TRIM37: variants seen among roughly 807,000 people sequenced by gnomAD.
The protein encoded by TRIM37 is tripartite motif containing 37.
Under a neutral mutation model 129.8 loss-of-function variants are expected in TRIM37, and 80 were observed. That is an observed-to-expected ratio of 0.62 (90% CI 0.51 to 0.74). The LOEUF (loss-of-function observed/expected upper bound fraction) is 0.74. Ranked by LOEUF, TRIM37 falls within the 30% of genes least tolerant of loss-of-function variation. TRIM37 has a pLI of 0.00. For missense variants in TRIM37, 1,054 were observed against 1,176.5 expected (o/e 0.90, Z 1.52); for synonymous variants, 389 against 387.1 (o/e 1.00, Z -0.06).
chr17:59,088,930 T>C (rs761734154), intron 3 of TRIM37, among the ~76,000 whole-genome samples: 28 of 152,144 alleles, frequency 1.8e-4, no homozygotes, highest in Non-Finnish European at 3.7e-4. Flanking sequence ...AACAAAAACA[T>C]ATGATTCAGA....
chr17:59,085,746 A>G (rs999732192), intron 4 of TRIM37, among the ~76,000 whole-genome samples: 1 of 152,224 alleles, frequency 6.6e-6, no homozygotes, highest in Non-Finnish European at 1.5e-5. Flanking sequence ...GAACATCCAT[A>G]GTCATAGCAG....
At chr17:59,082,041 G>T (rs992892362) in intron 5 of TRIM37, among the ~76,000 whole-genome samples, 19 of 150,848 alleles carry the variant, frequency 1.3e-4, no homozygotes, top group Admixed American at 1.3e-3. Flanking sequence ...AGGCTGAGGC[G>T]GGTGGATCAC....
At chr17:58,972,287 CTGTTT>C in the TRIM37 span, 1 of 1,611,780 alleles carries the variant, frequency 6.2e-7, no homozygotes, top group Non-Finnish European at 8.5e-7. Flanking sequence ...TAAGTATGGT[CTGTTT>C]TAATAGAGCC....
At chr17:59,008,316 C>T (rs2034805297) in intron 22 of TRIM37, among the ~76,000 whole-genome samples, 1 of 152,198 alleles carries the variant, frequency 6.6e-6, no homozygotes, top group Non-Finnish European at 1.5e-5. Flanking sequence ...CTATTTATAG[C>T]ACAACACCCC....
intron 24 of TRIM37, among the ~76,000 whole-genome samples, chr17:58,989,659 T>C (rs1290051696): frequency 1.3e-5 from 2 of 151,790 alleles, no homozygotes; most frequent in African/African-American, 4.8e-5. Flanking sequence ...GAAGATAAGT[T>C]AAAAAAATTA....
chr17:59,003,018 G>C (rs1227586310), intron 22 of TRIM37, among the ~76,000 whole-genome samples: 1 of 152,086 alleles, frequency 6.6e-6, no homozygotes, highest in East Asian at 1.9e-4. Context: ...CTCCCAACAG[G>C]CCTGTGCCAT....
intron 16 of TRIM37, among the ~76,000 whole-genome samples, chr17:59,044,562 C>CA (rs1037999940): frequency 1.7e-4 from 25 of 149,860 alleles, no homozygotes; most frequent in African/African-American, 3.7e-4. Flanking sequence ...AACTCCGTCT[C>CA]AAAAAAAAAT....
Position 59,041,883 on chromosome 17 carries a change from A to G in TRIM37, c.1683T>C (p.Asp561=), listed in dbSNP as rs1292534768. ...CTAATTCCATGTTGTTATATTCCAC[A>G]TCATTTTCTCCAGACCTAAGAATAT... ...IDEETMSGEN[D]VEYNNMELEE... is the part of the protein sequence containing the mutation. Residue 561 remains aspartate, a synonymous_variant, in exon 17 of 24, where the codon GAT becomes GAC. Transcript: ENST00000262294. 2 of 1,613,210 alleles carry G rather than the reference A, an allele frequency of 1.2e-6. No homozygotes were observed. The highest frequency in any genetic ancestry group is 1.7e-6 in the Non-Finnish European group (2 of 1,179,410).
intron 24 of TRIM37, among the ~76,000 whole-genome samples, chr17:58,989,086 T>C (rs1055350712): frequency 6.6e-6 from 1 of 152,186 alleles, no homozygotes; most frequent in African/African-American, 2.4e-5. Flanking sequence ...TAGAGTCATA[T>C]GAAAAGCCAA....
chr17:59,030,112 T>C (rs2037677441), intron 18 of TRIM37, among the ~76,000 whole-genome samples: 1 of 152,140 alleles, frequency 6.6e-6, no homozygotes, highest in South Asian at 2.1e-4. Flanking sequence ...TGTATTCCAG[T>C]TCATTTTTTT....
At chr17:59,012,184 A>G in intron 22 of TRIM37, 144 bp downstream of exon 22, 1 of 693,024 alleles carries the variant, frequency 1.4e-6, no homozygotes, top group South Asian at 1.5e-5. Flanking sequence ...ATTTCCATTA[A>G]ACCAACCACT....
chr17:58,983,030 G>A, intron 24 of TRIM37: 8 of 1,035,590 alleles, frequency 7.7e-6, no homozygotes, highest in Non-Finnish European at 9.9e-6. Flanking sequence ...GTTGTCTATT[G>A]GTAATGTTTT....
chr17:59,064,924 G>A (rs560197466), intron 9 of TRIM37, among the ~76,000 whole-genome samples: 7 of 148,270 alleles, frequency 4.7e-5, no homozygotes, highest in Non-Finnish European at 7.5e-5. Flanking sequence ...GGTGGTGTGC[G>A]CCTGCAATCC....
rs1409155801 is a variant in TRIM37 at position 59,012,426 on chromosome 17, T to C, written c.2597A>G (p.His866Arg). 1 of 1,610,142 alleles carries C rather than the reference T, an allele frequency of 6.2e-7. No individual in the cohort carries two copies. Among genetic ancestry groups the C allele is most frequent in the Non-Finnish European group, 8.5e-7 (1 of 1,179,252 alleles). Residue 866 changes from histidine to arginine, a missense_variant, in exon 22 of 24, where the codon CAT becomes CGT. This residue lies in a region of TRIM37 where 287 missense variants were observed against 274.3 expected (regional missense o/e 1.05). Coordinates refer to ENST00000262294, the MANE Select transcript of TRIM37 (RefSeq NM_015294.6). Reference sequence around the variant, plus strand: ...ATCAGTCATCTGCAGTCCTTCCAGATGACCTCCTTTAGCATTAGCCCTCAA... The same window carrying C: ...ATCAGTCATCTGCAGTCCTTCCAGACGACCTCCTTTAGCATTAGCCCTCAA... ...VTLGANAKGG[H>R]LEGLQMTDLE...
rs200084724 is a variant in TRIM37, at chr17:59,028,634, T to A, written c.2038A>T (p.Thr680Ser). 1 of 1,614,184 alleles carries A rather than the reference T, an allele frequency of 6.2e-7. No individual in the cohort carries two copies. Among genetic ancestry groups the A allele is most frequent in the Non-Finnish European group, 8.5e-7 (1 of 1,180,032 alleles). The change falls in exon 19 of 24, where the codon ACT (threonine) becomes TCT (serine). Residue 680 changes from threonine to serine, a missense_variant. By Grantham distance (58) the Thr-to-Ser change is moderately conservative. Around this residue, in one of 3 missense-constraint regions of TRIM37, gnomAD observed 752 missense variants for 870.8 expected, o/e 0.86. Coordinates refer to ENST00000262294, the MANE Select transcript of TRIM37 (RefSeq NM_015294.6). The stretch of plus-strand genomic sequence containing the variant: ...ATACATCGAACTTCGGCCATTTGAG[T>A]TTTGAGTCTTTTTAGCATCTTTAAA... ...SDLKMLKRLK[T>S]QMAEVRCMKT...
intron 20 of TRIM37, 133 bp from the exon 21 acceptor site, chr17:59,015,932 T>C (rs777785230): frequency 1.2e-4 from 94 of 758,520 alleles, no homozygotes; most frequent in Non-Finnish European, 1.7e-4. Flanking sequence ...TGAGCTGAGA[T>C]TGTGCTACAC....
At chr17:59,019,221 G>GGCTGTTC (rs1598927789) in intron 19 of TRIM37, among the ~76,000 whole-genome samples, 1 of 152,154 alleles carries the variant, frequency 6.6e-6, no homozygotes, top group East Asian at 1.9e-4. Flanking sequence ...CAGCACTACT[G>GGCTGTTC]ATAATAGCCA....
intron 3 of TRIM37, among the ~76,000 whole-genome samples, chr17:59,089,232 G>A (rs2044058040): frequency 6.6e-6 from 1 of 152,098 alleles, no homozygotes; most frequent in South Asian, 2.1e-4. Context: ...CCAGCCTGGG[G>A]AACAGAGTGA....
At chr17:59,007,231 C>CCACACA (rs35675752) in intron 22 of TRIM37, among the ~76,000 whole-genome samples, 45 of 97,542 alleles carry the variant, frequency 4.6e-4, no homozygotes, top group African/African-American at 1.6e-3. Context: ...CCCCACCCAC[C>CCACACA]CACACACACA....
Sources: gnomAD v4.1 joint callset for allele counts (sites outside exome capture counted in the v4.1 genomes callset) on GRCh38, gnomAD v4.1.1 for gene constraint, gnomAD v4.1.1 regional missense constraint, MANE v1.5 for transcripts, NCBI Gene and HGNC (gene_info 2026-07-23, HGNC 2026-07-21) for gene names.